TNS1: variants seen among roughly 807,000 people sequenced by gnomAD.
TNS1 encodes tensin 1, also known as tensin-1.
TNS1 carries 62 observed loss-of-function variants against 168.6 expected under a neutral mutation model. The ratio of observed to expected loss-of-function variants is 0.37; its 90% confidence interval spans 0.30 to 0.45. The LOEUF (loss-of-function observed/expected upper bound fraction) is 0.45. Among genes scored for constraint, TNS1 ranks in the 20% least tolerant of loss-of-function variants. The pLI is 1.00. For synonymous variants in TNS1, 934 were observed against 933.2 expected (o/e 1.00, Z -0.02); for missense variants, 2,240 against 2,339.4 (o/e 0.96, Z 0.88).
intron 32 of TNS1, among the ~76,000 whole-genome samples, chr2:217,805,608 A>C: frequency 1.6e-5 from 1 of 62,932 alleles, no homozygotes; most frequent in Non-Finnish European, 3.4e-5. Context: ...CACACCACAC[A>C]CACCACACAC....
chr2:217,972,701 A>G (rs981257748), intron 3 of TNS1, among the ~76,000 whole-genome samples: 3 of 152,220 alleles, frequency 2.0e-5, no homozygotes, highest in Non-Finnish European at 2.9e-5. Context: ...TGGTCCTTTC[A>G]CTGAACTCTT....
intron 3 of TNS1, among the ~76,000 whole-genome samples, chr2:217,954,932 G>T (rs1370930969): frequency 6.6e-6 from 1 of 152,040 alleles, no homozygotes; most frequent in Non-Finnish European, 1.5e-5. Flanking sequence ...TGCACAGAAG[G>T]GTCCTCAGAC....
rs947037478 is a variant in TNS1 at position 217,897,715 on chromosome 2, G to A, written c.543+83C>T. 12 of 1,393,490 alleles carry A rather than the reference G, an allele frequency of 8.6e-6. No homozygotes were observed. The East Asian group carries it at 1.6e-4, about 18-fold the overall frequency. The allele number at this position is 1,393,490 out of a possible 1,614,324, so 86.3% of individuals were successfully genotyped here. On this transcript the variant is annotated intron_variant, in intron 8 of 32. Coordinates refer to ENST00000682258, the MANE Select transcript of TNS1 (RefSeq NM_001387777.1). ...GGGCATGCTGGCACAGGGGCTGGTGGCAGGGATACCAGTCATGTAGAGGTG... is the reference window on the plus strand; with the variant it reads ...GGGCATGCTGGCACAGGGGCTGGTGACAGGGATACCAGTCATGTAGAGGTG...
At chr2:217,812,721 G>A (rs1007223380) in intron 27 of TNS1, among the ~76,000 whole-genome samples, 1 of 152,190 alleles carries the variant, frequency 6.6e-6, no homozygotes, top group East Asian at 1.9e-4. Context: ...AGTTACTGGG[G>A]CTCCTCTGAG....
chr2:217,907,254 G>A lies in TNS1; in HGVS notation c.229-3C>T, dbSNP rs966270391. 7 of 702,936 alleles carry A rather than the reference G, an allele frequency of 1.0e-5. No individual in the cohort carries two copies. The Admixed American group carries it at 1.4e-4, about 14-fold the overall frequency. 43.5% of individuals were successfully genotyped at this position (702,936 alleles called of 1,614,324 possible). On this transcript the variant is annotated splice_polypyrimidine_tract_variant and splice_region_variant and intron_variant, in intron 4 of 32. Coordinates refer to ENST00000682258, the MANE Select transcript of TNS1 (RefSeq NM_001387777.1). ...GGTGCATTCTCAGTGGTGATGGGCT[G>A]TGGACAGAAGGAGAAACAGCATGAG...
intron 3 of TNS1, among the ~76,000 whole-genome samples, chr2:217,927,185 G>A (rs1956074467): frequency 6.6e-6 from 1 of 152,206 alleles, no homozygotes; most frequent in African/African-American, 2.4e-5. Context: ...AGGTAGAGAT[G>A]GGGAAAGGAC....
At chr2:218,009,545 C>T (rs1368650925) in intron 1 of TNS1, among the ~76,000 whole-genome samples, 1 of 151,474 alleles carries the variant, frequency 6.6e-6, no homozygotes, top group Non-Finnish European at 1.5e-5. Context: ...CCCTCCCTGG[C>T]GCCCCAGCCC....
chr2:217,820,353 C>T (rs1287170532), intron 23 of TNS1, among the ~76,000 whole-genome samples: 1 of 152,188 alleles, frequency 6.6e-6, no homozygotes, highest in South Asian at 2.1e-4. Context: ...GAAATGCAAC[C>T]CTCGGCCAGA....
chr2:218,010,744 C>A (rs571541405), upstream of TNS1, among the ~76,000 whole-genome samples: 6 of 152,188 alleles, frequency 3.9e-5, no homozygotes, highest in African/African-American at 1.4e-4. Flanking sequence ...TGTGAGCCTG[C>A]GTGTGTGAGT....
chr2:217,855,350 T>C (rs1287213470), intron 18 of TNS1, among the ~76,000 whole-genome samples: 1 of 152,174 alleles, frequency 6.6e-6, no homozygotes, highest in East Asian at 1.9e-4. Flanking sequence ...GGCAAATGCT[T>C]TCAGACTCAG....
chr2:217,998,409 A>C (rs1958507181), intron 1 of TNS1, among the ~76,000 whole-genome samples: 1 of 152,162 alleles, frequency 6.6e-6, no homozygotes, highest in Admixed American at 6.5e-5. Context: ...CTGAGGCCCC[A>C]TCAGTGGGGC....
chr2:217,907,567 G>A (rs989830275), intron 4 of TNS1, among the ~76,000 whole-genome samples: 2 of 152,204 alleles, frequency 1.3e-5, no homozygotes, highest in Non-Finnish European at 2.9e-5. Flanking sequence ...ATGACTTACA[G>A]CATCTCATTT....
intron 4 of TNS1, among the ~76,000 whole-genome samples, chr2:217,919,340 G>C (rs1244749523): frequency 1.3e-5 from 2 of 152,228 alleles, no homozygotes; most frequent in Non-Finnish European, 2.9e-5. Context: ...CCCCGCCCCA[G>C]GCTCCTGCCG....
chr2:217,845,771 T>G (rs1946558800), intron 19 of TNS1, among the ~76,000 whole-genome samples: 1 of 152,116 alleles, frequency 6.6e-6, no homozygotes, highest in African/African-American at 2.4e-5. Context: ...ATGGGCATCC[T>G]CCCAGGGCCA....
intron 9 of TNS1, 37 bp downstream of exon 9, chr2:217,894,969 C>T (rs1952126368): frequency 1.9e-6 from 3 of 1,603,558 alleles, no homozygotes; most frequent in Non-Finnish European, 2.6e-6. Flanking sequence ...ATCTGTTCTC[C>T]TTCTCCTCCC....
rs959949269 is a variant in TNS1 at position 217,955,270 on chromosome 2, G to A, written c.186+23495C>T. 2.6e-4 allele frequency among the ~76,000 whole-genome samples: 40 copies of A among 152,318 alleles called. No homozygotes were observed. The South Asian group carries it at 3.3e-3, about 13-fold the overall frequency. ...AGAAGGTGGCACCACCAACACAGGT[G>A]CCCTGGCCAGGAACCAGCCACTCTC... On this transcript the variant is annotated intron_variant, in intron 3 of 32. Transcript: ENST00000682258.
Position 217,868,820 on chromosome 2 carries a change from T to C in TNS1, c.1429+12078A>G, listed in dbSNP as rs141205570. Among the ~76,000 whole-genome samples the C allele has an allele frequency of 1.6e-4, 24 of 152,310 alleles. No homozygotes were observed. In the East Asian group the frequency reaches 4.4e-3, roughly 28 times the overall value. On this transcript the variant is annotated intron_variant, in intron 18 of 32. Transcript: ENST00000682258. Reference sequence around the variant, plus strand: ...ACGGGGCCTCCCAAGGATCTTCCCATCTAAAGACTATCACCTCCCAAGGAC... The same window carrying C: ...ACGGGGCCTCCCAAGGATCTTCCCACCTAAAGACTATCACCTCCCAAGGAC...
At chr2:217,959,744 TGA>T (rs1292532455) in intron 3 of TNS1, among the ~76,000 whole-genome samples, 1 of 152,146 alleles carries the variant, frequency 6.6e-6, no homozygotes, top group Non-Finnish European at 1.5e-5. Context: ...AAGGTTCTGA[TGA>T]GACTGGCCCA....
chr2:217,903,676 C>A, intron 6 of TNS1: 1 of 1,378,126 alleles, frequency 7.3e-7, no homozygotes, highest in Non-Finnish European at 1.0e-6. Flanking sequence ...GACAGAGTGT[C>A]TTACTTTTCT....
Sources: allele counts gnomAD v4.1 joint callset (sites outside exome capture counted in the v4.1 genomes callset), GRCh38; gene constraint gnomAD v4.1.1; transcripts MANE v1.5; gene names NCBI Gene and HGNC (gene_info 2026-07-23, HGNC 2026-07-21).